ABCA8: variants seen among roughly 807,000 people sequenced by gnomAD.
ABCA8 encodes ATP binding cassette subfamily A member 8, also known as ABC-type organic anion transporter ABCA8.
A neutral mutation model predicts 192.3 loss-of-function variants in ABCA8; 177 were observed. The ratio of observed to expected loss-of-function variants is 0.92; its 90% confidence interval spans 0.81 to 1.04. ABCA8 has a LOEUF of 1.04. Among genes scored for constraint, ABCA8 ranks in the 50% least tolerant of loss-of-function variants. ABCA8 has a pLI of 0.00. For missense variants in ABCA8, 1,915 were observed against 1,904.8 expected, an observed-to-expected ratio of 1.01 and a Z score of -0.10; for synonymous variants, 642 against 690.2, an observed-to-expected ratio of 0.93 and a Z score of 1.09.
intron 37 of ABCA8, among the ~76,000 whole-genome samples, chr17:68,873,534 G>A (rs571925717): frequency 1.4e-4 from 22 of 152,212 alleles, no homozygotes; most frequent in African/African-American, 5.3e-4. Context: ...CTTTTGCTGT[G>A]TGGAAGCTTT....
At chr17:68,938,353 C>T (rs2068129714) in intron 4 of ABCA8, among the ~76,000 whole-genome samples, 1 of 152,014 alleles carries the variant, frequency 6.6e-6, no homozygotes, top group African/African-American at 2.4e-5. Context: ...ATACAGAATC[C>T]AGTGAAGGGG....
chr17:68,887,811 G>T (rs559439525), intron 24 of ABCA8, among the ~76,000 whole-genome samples: 7 of 146,838 alleles, frequency 4.8e-5, no homozygotes, highest in Admixed American at 4.1e-4. Flanking sequence ...GGGTGAATGG[G>T]ATGGACAGTT....
At chr17:68,885,056 A>T (rs1335462708) in intron 27 of ABCA8, 140 bp downstream of exon 27, 1 of 1,169,054 alleles carries the variant, frequency 8.6e-7, no homozygotes, top group African/African-American at 1.6e-5. Context: ...ATCTGGGAGA[A>T]AATCAATTGG....
chr17:68,871,479 T>C (rs1422150717), intron 37 of ABCA8, among the ~76,000 whole-genome samples: 1 of 152,212 alleles, frequency 6.6e-6, no homozygotes, highest in East Asian at 1.9e-4. Flanking sequence ...GTGGTTTTGA[T>C]TTGCATTTCC....
At chr17:68,953,013 A>T (rs2068612958) in intron 1 of ABCA8, among the ~76,000 whole-genome samples, 3 of 152,224 alleles carry the variant, frequency 2.0e-5, no homozygotes. Flanking sequence ...TAAGAGCACC[A>T]CATCTTTCCA....
intron 21 of ABCA8, among the ~76,000 whole-genome samples, chr17:68,896,091 A>G (rs753166765): frequency 3.3e-5 from 5 of 151,958 alleles, no homozygotes; most frequent in Non-Finnish European, 5.9e-5. Context: ...GCGGCAAGCC[A>G]TAAGAACAGT....
chr17:68,873,335 C>T (rs1461033632), intron 37 of ABCA8, among the ~76,000 whole-genome samples: 1 of 152,188 alleles, frequency 6.6e-6, no homozygotes, highest in Non-Finnish European at 1.5e-5. Context: ...GCTACACCAT[C>T]TAGGTTTGTG....
intron 38 of ABCA8, among the ~76,000 whole-genome samples, chr17:68,869,038 C>T (rs531051761): frequency 4.6e-5 from 7 of 152,106 alleles, no homozygotes; most frequent in Middle Eastern, 3.2e-3. Context: ...TCAGACAATT[C>T]CTGATGCTCT....
chr17:68,941,043 T>C (rs2068215956), intron 3 of ABCA8, 81 bp from the exon 4 acceptor site: 1 of 1,142,910 alleles, frequency 8.7e-7, no homozygotes, highest in South Asian at 1.5e-5. Flanking sequence ...AAAGTTTGCC[T>C]CTTTTTTACT....
rs35596717 is a variant in ABCA8 at position 68,901,808 on chromosome 17, CAA to C, written c.2764+903_2764+904del. Among the ~76,000 whole-genome samples, 131 of 104,814 alleles carry C rather than the reference CAA, an allele frequency of 1.2e-3. No homozygotes were observed. In the Middle Eastern group the frequency reaches 0.015, roughly 12 times the overall value. The allele number at this position is 104,814 out of a possible 152,430, so 68.8% of individuals were successfully genotyped here. On this transcript the variant is annotated intron_variant, in intron 21 of 39. Coordinates refer to ENST00000586539, the MANE Select transcript of ABCA8 (RefSeq NM_001288985.2). ...GGTGACACAGAGCGAGATTCCATCTCAAAAAAAAAAAAAAAAACCCCACAAAA... is the reference window on the plus strand; with the variant it reads ...GGTGACACAGAGCGAGATTCCATCTCAAAAAAAAAAAAAAACCCCACAAAA...
In ABCA8 at chr17:68,952,595, G is replaced by A. The variant is rs1325736389; in HGVS notation, c.-167+2624C>T. Among the ~76,000 whole-genome samples the A allele has an allele frequency of 2.0e-5, 3 of 152,008 alleles. No homozygotes were observed. The East Asian group carries it at 5.8e-4, about 29-fold the overall frequency. ...TCTGTAGCGAGGCTTTGATATACTT[G>A]GGCTTGTGCAGGAGGTGGAGTGTAG... On this transcript the variant is annotated intron_variant, in intron 1 of 39. Coordinates refer to ENST00000586539, the MANE Select transcript of ABCA8 (RefSeq NM_001288985.2).
At chr17:68,900,490 G>A (rs1397265493) in intron 21 of ABCA8, among the ~76,000 whole-genome samples, 1 of 137,308 alleles carries the variant, frequency 7.3e-6, no homozygotes, top group East Asian at 2.2e-4. Context: ...AGCTACACTA[G>A]TACATTTCTA....
chr17:68,903,612 G>A, intron 19 of ABCA8, 113 bp from the exon 20 acceptor site: 1 of 891,414 alleles, frequency 1.1e-6, no homozygotes, highest in Non-Finnish European at 1.7e-6. Flanking sequence ...GGTATAACGT[G>A]GTTTTGCTGG....
chr17:68,876,227 A>G (rs947799936), intron 35 of ABCA8: 10 of 584,966 alleles, frequency 1.7e-5, no homozygotes, highest in African/African-American at 1.5e-4. Context: ...GAAACTCAAG[A>G]GTGAGACCTA....
intron 10 of ABCA8, among the ~76,000 whole-genome samples, chr17:68,926,504 A>G (rs1246514405): frequency 1.3e-5 from 2 of 152,224 alleles, no homozygotes; most frequent in Admixed American, 6.5e-5. Context: ...CAGAGAAAAT[A>G]TATTTAAGTA....
intron 11 of ABCA8, among the ~76,000 whole-genome samples, chr17:68,924,207 T>A (rs1334850989): frequency 6.6e-6 from 1 of 151,812 alleles, no homozygotes; most frequent in Non-Finnish European, 1.5e-5. Context: ...TTAGCTGGGC[T>A]TGGTGGTGGG....
chr17:68,946,840 C>G (rs946856456), intron 2 of ABCA8, among the ~76,000 whole-genome samples: 1 of 152,088 alleles, frequency 6.6e-6, no homozygotes, highest in Non-Finnish European at 1.5e-5. Flanking sequence ...ACTCACGAGG[C>G]TGAGGCAGGG....
chr17:68,952,458 TC>T (rs2068594469), intron 1 of ABCA8, among the ~76,000 whole-genome samples: 2 of 152,206 alleles, frequency 1.3e-5, no homozygotes, highest in African/African-American at 4.8e-5. Flanking sequence ...GACCTTGTGA[TC>T]CGCCTGTTGT....
chr17:68,889,693 C>A (rs1333707171), intron 24 of ABCA8, among the ~76,000 whole-genome samples: 3 of 152,126 alleles, frequency 2.0e-5, no homozygotes, highest in Non-Finnish European at 4.4e-5. Flanking sequence ...AGTCAATAGC[C>A]TTTACCACTG....
Sources: gnomAD v4.1 joint callset for allele counts (sites outside exome capture counted in the v4.1 genomes callset) on GRCh38, gnomAD v4.1.1 for gene constraint, MANE v1.5 for transcripts, NCBI Gene and HGNC (gene_info 2026-07-23, HGNC 2026-07-21) for gene names.